GCFC2: variants seen among roughly 807,000 people sequenced by gnomAD.
GCFC2 encodes the protein GC-rich sequence DNA-binding factor 2, also known as intron Large complex component GCFC2.
GCFC2 carries 102 observed loss-of-function variants against 99.4 expected under a neutral mutation model. The observed-to-expected ratio is 1.03, with a 90% CI of 0.87 to 1.21. GCFC2 has a LOEUF of 1.21. Among genes scored for constraint, GCFC2 ranks in the 50% most tolerant of loss-of-function variants. GCFC2 has a pLI of 0.00. For synonymous variants in GCFC2, 338 were observed against 316.8 expected (o/e 1.07, Z -0.71); for missense variants, 973 against 920.9 (o/e 1.06, Z -0.73).
chr2:75,703,802 T>A (rs1032596249), intron 2 of GCFC2, among the ~76,000 whole-genome samples: 1 of 152,224 alleles, frequency 6.6e-6, no homozygotes, highest in East Asian at 1.9e-4. Flanking sequence ...TATGTTTTTA[T>A]AGCTCCCTAG....
At position 75,666,195 on chromosome 2, in the gene GCFC2, C is replaced by T. The variant is rs966332666; in HGVS notation, c.2104-142G>A. Reference sequence around the variant, plus strand: ...GTTAAATAAAAATTTCTAAAGATTTCCCTTTGTGTCCAAGGCTACATATAT... The same window carrying T: ...GTTAAATAAAAATTTCTAAAGATTTTCCTTTGTGTCCAAGGCTACATATAT... On this transcript the variant is annotated intron_variant, in intron 15 of 16. Coordinates refer to ENST00000321027, the MANE Select transcript of GCFC2 (RefSeq NM_003203.5). 10 of 588,004 alleles carry T rather than the reference C, an allele frequency of 1.7e-5. No individual in the cohort carries two copies. In the African/African-American group the frequency reaches 1.9e-4, roughly 11 times the overall value. 36.4% of individuals were successfully genotyped at this position (588,004 alleles called of 1,614,324 possible).
At chr2:75,677,277 C>A (rs1679381775) in intron 12 of GCFC2, among the ~76,000 whole-genome samples, 1 of 152,208 alleles carries the variant, frequency 6.6e-6, no homozygotes. Flanking sequence ...TTCCTTCTAA[C>A]TTTGAAAACA....
intron 12 of GCFC2, among the ~76,000 whole-genome samples, chr2:75,674,462 G>C (rs1054340117): frequency 2.0e-5 from 3 of 151,948 alleles, no homozygotes; most frequent in Non-Finnish European, 2.9e-5. Context: ...TTAAGCAGAA[G>C]TAGTATACTA....
At chr2:75,666,176 T>TA (rs1177177448) in intron 15 of GCFC2, 123 bp from the exon 16 acceptor site, 3 of 657,582 alleles carry the variant, frequency 4.6e-6, no homozygotes, top group Non-Finnish European at 7.2e-6. Flanking sequence ...TATGGTTAAA[T>TA]AAAAATTTCT....
rs1678674897 is a variant in GCFC2, at chr2:75,663,056, AAT to A, written c.*1608_*1609del. On this transcript the variant is annotated 3_prime_UTR_variant, in exon 17 of 17. Transcript: ENST00000321027. ...GTGGAAATGCTAACTGCTTTTCAAC[AAT>A]AGTTTGCATTTTCTAGATGAGATTC... The A allele has an allele frequency of 6.6e-6, 1 of 152,202 alleles. No individual in the cohort carries two copies. Among genetic ancestry groups the A allele is most frequent in the African/African-American group, 2.4e-5 (1 of 41,464 alleles). 9.4% of individuals were successfully genotyped at this position (152,202 alleles called of 1,614,324 possible).
At chr2:75,671,051 A>C (rs959508477) in intron 14 of GCFC2, among the ~76,000 whole-genome samples, 1 of 152,188 alleles carries the variant, frequency 6.6e-6, no homozygotes, top group African/African-American at 2.4e-5. Context: ...TGTCAAATCC[A>C]ATAAACAGTG....
chr2:75,672,105 C>T (rs916573451), intron 13 of GCFC2, 89 bp from the exon 14 acceptor site: 2 of 543,644 alleles, frequency 3.7e-6, no homozygotes, highest in African/African-American at 3.9e-5. Context: ...TTCTTTTAAA[C>T]CAACCAAACT....
intron 7 of GCFC2, 94 bp downstream of exon 7, chr2:75,691,883 T>C: frequency 1.5e-6 from 1 of 654,188 alleles, no homozygotes; most frequent in Admixed American, 4.4e-5. Context: ...GGAAAATACA[T>C]GAAAAACATG....
intron 10 of GCFC2, 117 bp from the exon 11 acceptor site, chr2:75,688,094 T>C: frequency 1.5e-6 from 1 of 647,512 alleles, no homozygotes; most frequent in African/African-American, 1.9e-5. Flanking sequence ...AAGAGATTAA[T>C]TCCCTATTTT....
At chr2:75,709,800 G>GTA (rs1249993188) in intron 1 of GCFC2, among the ~76,000 whole-genome samples, 1 of 152,140 alleles carries the variant, frequency 6.6e-6, no homozygotes, top group Admixed American at 6.5e-5. Flanking sequence ...TACACTATAA[G>GTA]TATATACATT....
chr2:75,689,304 G>C (rs1679951421), intron 9 of GCFC2, 79 bp from the exon 10 acceptor site: 9 of 732,396 alleles, frequency 1.2e-5, no homozygotes, highest in Non-Finnish European at 2.1e-5. Context: ...GGTCATGATG[G>C]ACTGTAATCA....
chr2:75,673,735 T>C (rs1573048018), intron 12 of GCFC2, among the ~76,000 whole-genome samples: 2 of 152,356 alleles, frequency 1.3e-5, no homozygotes, highest in African/African-American at 4.8e-5. Flanking sequence ...TTTTGTTGCA[T>C]GAATACTATT....
In GCFC2 at chr2:75,710,845, CT is replaced by C. The variant is rs1204027486; in HGVS notation, c.10del (p.Arg4GlyfsTer167). 1 of 1,572,114 alleles carries C rather than the reference CT, an allele frequency of 6.4e-7. No individual in the cohort carries two copies. Among genetic ancestry groups the C allele is most frequent in the African/African-American group, 1.4e-5 (1 of 71,116 alleles). On this transcript the variant is annotated frameshift_variant, in exon 1 of 17. Transcript: ENST00000321027. LOFTEE classifies it high-confidence loss of function. MAH[R>X]PKRTFRQRAA... Reference sequence around the variant, plus strand: ...GCGCTGCCGAAAAGTCCTTTTCGGCCTGTGAGCCATGGCCGAGGCCCGAGCG... The same window carrying C: ...GCGCTGCCGAAAAGTCCTTTTCGGCCGTGAGCCATGGCCGAGGCCCGAGCG...
In GCFC2 at chr2:75,687,872, C is replaced by T; in HGVS notation, c.1645G>A (p.Val549Ile). Residue 549 changes from valine (V) to isoleucine (I), a missense_variant, in exon 11 of 17, where the codon GTC (valine) becomes ATC (isoleucine). Coordinates refer to ENST00000321027, the MANE Select transcript of GCFC2 (RefSeq NM_003203.5). ...GTTTTGTTGATGATTGCAGACAAGA[C>T]TTTTTTATCTGAACTACTTTCCTTC... ...SKKESSSDKKVLSAIINKTII... is the reference protein window; with the variant it reads ...SKKESSSDKKILSAIINKTII... 1 of 1,606,854 alleles carries T rather than the reference C, an allele frequency of 6.2e-7. No individual in the cohort carries two copies. The highest frequency in any genetic ancestry group is 8.5e-7 in the Non-Finnish European group (1 of 1,175,492).
chr2:75,676,580 T>G (rs1218902685), intron 12 of GCFC2, among the ~76,000 whole-genome samples: 1 of 152,190 alleles, frequency 6.6e-6, no homozygotes, highest in East Asian at 1.9e-4. Context: ...TCTGTGGGTA[T>G]TATCACCAAA....
At position 75,666,017 on chromosome 2, in the gene GCFC2, A is replaced by C; in HGVS notation, c.2140T>G (p.Ser714Ala). The change falls in exon 16 of 17, where the codon TCT becomes GCT. Residue 714 changes from serine (S) to alanine (A), a missense_variant. By Grantham distance (99) the Ser-to-Ala change is moderately conservative (BLOSUM62 1). Coordinates refer to ENST00000321027, the MANE Select transcript of GCFC2 (RefSeq NM_003203.5). ...TGTGGAATAGATGTCCTCATGGCAG[A>C]ATTTTCAAACCATTTTTCTGGTAGA... ...ACLPEKWFEN[S>A]AMRTSIPQLE... 2 of 1,607,708 alleles carry C rather than the reference A, an allele frequency of 1.2e-6. No individual in the cohort carries two copies. Among genetic ancestry groups the C allele is most frequent in the East Asian group, 2.2e-5 (1 of 44,640 alleles).
At chr2:75,675,741 C>CAAAAAAAA (rs1206357027) in intron 12 of GCFC2, among the ~76,000 whole-genome samples, 1 of 70,270 alleles carries the variant, frequency 1.4e-5, no homozygotes, top group African/African-American at 3.7e-5. Flanking sequence ...AAGGTTCTGT[C>CAAAAAAAA]AAAAAAAAAA....
At chr2:75,679,080 A>C (rs996569536) in intron 12 of GCFC2, among the ~76,000 whole-genome samples, 18 of 133,750 alleles carry the variant, frequency 1.3e-4, no homozygotes, top group South Asian at 2.1e-4. Context: ...ATTGGAATTA[A>C]ATAAGTGTTT....
chr2:75,683,756 C>A (rs1475908711), intron 11 of GCFC2, among the ~76,000 whole-genome samples: 8 of 48,402 alleles, frequency 1.7e-4, no homozygotes, highest in East Asian at 5.8e-4. Context: ...GAATATTTAC[C>A]AAGTAAATGG....
Sources: allele counts gnomAD v4.1 joint callset (sites outside exome capture counted in the v4.1 genomes callset), GRCh38; gene constraint gnomAD v4.1.1; transcripts MANE v1.5; gene names NCBI Gene and HGNC (gene_info 2026-07-23, HGNC 2026-07-21).